The following KCNIP4 variants were observed in gnomAD, a reference collection of about 807,000 sequenced individuals.
KCNIP4 encodes Kv channel-interacting protein 4.
A neutral mutation model predicts 34.0 loss-of-function variants in KCNIP4; 12 were observed. The observed-to-expected ratio is 0.35, with a 90% confidence interval of 0.23 to 0.57. The LOEUF is 0.57. Among genes scored for constraint, KCNIP4 ranks in the 20% least tolerant of loss-of-function variants. The probability of loss-of-function intolerance (pLI) is 0.83; values close to 1 mark genes in which losing one functional copy is unlikely to be tolerated. For missense variants in KCNIP4, 238 were observed against 311.7 expected, an observed-to-expected ratio of 0.76 and a Z score of 1.78; for synonymous variants, 124 against 102.2, an observed-to-expected ratio of 1.21 and a Z score of -1.29.
In KCNIP4 at chr4:21,560,149, G is replaced by A. The variant is rs187450425; in HGVS notation, c.61+388422C>T. Among the ~76,000 whole-genome samples, 32 of 152,048 alleles carry A rather than the reference G, an allele frequency of 2.1e-4. 1 individual carries two copies. The East Asian group carries it at 6.0e-3, about 29-fold the overall frequency. ...AAGCAAATAGTGTAAATGCAAATGG[G>A]CTTCAAATGATACTTTACAAGCGCC... On this transcript the variant is annotated intron_variant, in intron 1 of 8. Transcript: ENST00000382152.
intron 1 of KCNIP4, among the ~76,000 whole-genome samples, chr4:21,280,973 C>A (rs1031023438): frequency 6.6e-6 from 1 of 152,096 alleles, no homozygotes; most frequent in Non-Finnish European, 1.5e-5. Context: ...AGAACCCATA[C>A]ACCTGTATAT....
At chr4:21,242,896 G>C (rs868482843) in intron 1 of KCNIP4, among the ~76,000 whole-genome samples, 3 of 128,404 alleles carry the variant, frequency 2.3e-5, no homozygotes, top group Non-Finnish European at 5.3e-5. Flanking sequence ...GTGTGTGTGT[G>C]TGTGTGTGTG....
chr4:21,113,888 T>C (rs1467829515), intron 1 of KCNIP4, among the ~76,000 whole-genome samples: 2 of 152,340 alleles, frequency 1.3e-5, no homozygotes, highest in Admixed American at 6.5e-5. Context: ...TTGACTTAAC[T>C]CTAATACACC....
At chr4:21,079,608 A>G (rs1269362904) in intron 1 of KCNIP4, among the ~76,000 whole-genome samples, 2 of 151,780 alleles carry the variant, frequency 1.3e-5, no homozygotes, top group East Asian at 3.9e-4. Context: ...ACCCACAAAG[A>G]TGTTCTTAAG....
At chr4:21,620,506 G>A (rs534784242) in intron 1 of KCNIP4, among the ~76,000 whole-genome samples, 12 of 151,460 alleles carry the variant, frequency 7.9e-5, no homozygotes, top group African/African-American at 2.7e-4. Context: ...ATAAAAATAC[G>A]ATAAAATAAA....
intron 1 of KCNIP4, among the ~76,000 whole-genome samples, chr4:21,834,003 T>C (rs1304172103): frequency 6.6e-6 from 1 of 152,108 alleles, no homozygotes; most frequent in African/African-American, 2.4e-5. Flanking sequence ...AGCCTTGTAG[T>C]ATAGTTTGAA....
intron 1 of KCNIP4, among the ~76,000 whole-genome samples, chr4:20,884,479 C>T (rs1217573377): frequency 7.0e-6 from 1 of 142,696 alleles, no homozygotes; most frequent in Non-Finnish European, 1.5e-5. Context: ...TTACATAAAA[C>T]ACACCCTATA....
chr4:20,948,808 G>A (rs1200584154), intron 1 of KCNIP4, among the ~76,000 whole-genome samples: 4 of 151,976 alleles, frequency 2.6e-5, no homozygotes, highest in Admixed American at 2.0e-4. Context: ...CCCCAAGAAT[G>A]GTAATATATA....
At chr4:21,178,018 A>G (rs1754552483) in intron 1 of KCNIP4, among the ~76,000 whole-genome samples, 1 of 152,094 alleles carries the variant, frequency 6.6e-6, no homozygotes, top group Non-Finnish European at 1.5e-5. Context: ...ATCTATTAGC[A>G]TGCCCCAGGC....
At chr4:21,556,237 G>A (rs1250075834) in intron 1 of KCNIP4, among the ~76,000 whole-genome samples, 1 of 152,022 alleles carries the variant, frequency 6.6e-6, no homozygotes, top group Non-Finnish European at 1.5e-5. Context: ...CATGATAATT[G>A]GTGACCATTT....
intron 1 of KCNIP4, among the ~76,000 whole-genome samples, chr4:21,554,914 T>C (rs563958148): frequency 6.6e-6 from 1 of 152,276 alleles, no homozygotes; most frequent in Non-Finnish European, 1.5e-5. Flanking sequence ...AATGAGTGAA[T>C]CTTGGTCCTA....
intron 1 of KCNIP4, chr4:21,315,261 C>T (rs542872646): frequency 4.5e-4 from 71 of 157,596 alleles, no homozygotes; most frequent in African/African-American, 1.6e-3. Context: ...ACTTCTCTTC[C>T]TTCTCCCTCC....
At chr4:20,777,922 C>G (rs976845385) in intron 3 of KCNIP4, among the ~76,000 whole-genome samples, 7 of 152,136 alleles carry the variant, frequency 4.6e-5, no homozygotes, top group African/African-American at 7.2e-5. Context: ...ATGAAGAAAA[C>G]CAGGGAGCTG....
At chr4:21,280,807 A>T (rs6448041) in intron 1 of KCNIP4, among the ~76,000 whole-genome samples, 86,577 of 152,028 alleles carry the variant, frequency 0.57, 27,308 homozygotes, top group African/African-American at 0.86. Flanking sequence ...AGTACTGGGA[A>T]CTAGGACATG....
chr4:21,217,987 G>GTTT (rs57025407), intron 1 of KCNIP4, among the ~76,000 whole-genome samples: 35,064 of 145,216 alleles, frequency 0.24, 4,411 homozygotes, highest in South Asian at 0.46. Flanking sequence ...CCCCTGTATA[G>GTTT]TTTTTTTTTT....
At chr4:20,770,979 AAC>A (rs1426380240) in intron 3 of KCNIP4, among the ~76,000 whole-genome samples, 2 of 151,928 alleles carry the variant, frequency 1.3e-5, no homozygotes, top group Non-Finnish European at 2.9e-5. Context: ...AAAACAATAT[AAC>A]AACTATTTAC....
intron 1 of KCNIP4, among the ~76,000 whole-genome samples, chr4:21,124,706 CA>C (rs767215180): frequency 6.6e-6 from 1 of 152,078 alleles, no homozygotes; most frequent in Admixed American, 6.6e-5. Flanking sequence ...AGACTCCTAG[CA>C]AAAAAGTCCA....
chr4:21,241,615 G>A (rs1257104349), intron 1 of KCNIP4, among the ~76,000 whole-genome samples: 1 of 152,198 alleles, frequency 6.6e-6, no homozygotes, highest in African/African-American at 2.4e-5. Context: ...GTGGCATTGG[G>A]AATTAGCTTG....
intron 1 of KCNIP4, among the ~76,000 whole-genome samples, chr4:21,296,222 T>C (rs1360613635): frequency 6.6e-6 from 1 of 152,106 alleles, no homozygotes; most frequent in African/African-American, 2.4e-5. Context: ...AGTTTTAAAC[T>C]CAACCCAATC....
Sources: allele counts gnomAD v4.1 joint callset (sites outside exome capture counted in the v4.1 genomes callset), GRCh38; gene constraint gnomAD v4.1.1; transcripts MANE v1.5; gene names NCBI Gene and HGNC (gene_info 2026-07-23, HGNC 2026-07-21).